ABI1: variants seen among roughly 807,000 people sequenced by gnomAD.
The protein encoded by ABI1 is abl interactor 1, also known as Abelson interactor 1.
A neutral mutation model predicts 54.6 loss-of-function variants in ABI1; 14 were observed. The ratio of observed to expected loss-of-function variants is 0.26; its 90% CI spans 0.17 to 0.40. The LOEUF (loss-of-function observed/expected upper bound fraction) is 0.40. Among genes scored for constraint, ABI1 ranks in the 10% least tolerant of loss-of-function variants. The probability of loss-of-function intolerance (pLI) is 1.00; values close to 1 mark genes in which losing one functional copy is unlikely to be tolerated. For synonymous variants in ABI1, 194 were observed against 209.3 expected (o/e 0.93, Z 0.63); for missense variants, 443 against 598.3 (o/e 0.74, Z 2.71).
chr10:26,838,861 C>T (rs1217884880), intron 1 of ABI1, among the ~76,000 whole-genome samples: 3 of 152,198 alleles, frequency 2.0e-5, no homozygotes, highest in Non-Finnish European at 4.4e-5. Flanking sequence ...AGAACCGCTA[C>T]GTCTCCCAAA....
At chr10:26,784,297 T>C (rs983531677) in intron 2 of ABI1, among the ~76,000 whole-genome samples, 1 of 152,194 alleles carries the variant, frequency 6.6e-6, no homozygotes, top group Non-Finnish European at 1.5e-5. Flanking sequence ...CACCTGTCCA[T>C]AACTTTAGGC....
intron 2 of ABI1, among the ~76,000 whole-genome samples, chr10:26,782,054 T>C (rs990674681): frequency 6.6e-6 from 1 of 152,184 alleles, no homozygotes; most frequent in African/African-American, 2.4e-5. Context: ...GGCAGATTGG[T>C]TGCATCAGAC....
At chr10:26,799,423 A>G (rs938038303) in intron 2 of ABI1, among the ~76,000 whole-genome samples, 2 of 152,208 alleles carry the variant, frequency 1.3e-5, no homozygotes, top group African/African-American at 2.4e-5. Flanking sequence ...CTCTTCAAAA[A>G]GAACAAACCA....
At chr10:26,760,746 T>C (rs1490457166) in intron 7 of ABI1, among the ~76,000 whole-genome samples, 1 of 151,858 alleles carries the variant, frequency 6.6e-6, no homozygotes. Flanking sequence ...AACAATTAGC[T>C]GGGCATGGAG....
intron 1 of ABI1, among the ~76,000 whole-genome samples, chr10:26,843,046 A>G (rs2049651644): frequency 6.6e-6 from 1 of 152,154 alleles, no homozygotes; most frequent in South Asian, 2.1e-4. Flanking sequence ...TCCATCTTAA[A>G]AAGTAAATAA....
At chr10:26,775,807 G>C (rs998193572) in intron 3 of ABI1, among the ~76,000 whole-genome samples, 1 of 152,150 alleles carries the variant, frequency 6.6e-6, no homozygotes, top group Non-Finnish European at 1.5e-5. Context: ...TTGGTAGGAA[G>C]AATAATCAAG....
chr10:26,814,252 A>G (rs1166388975), intron 2 of ABI1, among the ~76,000 whole-genome samples: 3 of 152,204 alleles, frequency 2.0e-5, no homozygotes, highest in African/African-American at 7.2e-5. Context: ...ATCATCTATG[A>G]GTCAAGATGC....
chr10:26,832,427 C>T (rs2048744814), intron 1 of ABI1, among the ~76,000 whole-genome samples: 1 of 151,530 alleles, frequency 6.6e-6, no homozygotes, highest in African/African-American at 2.4e-5. Context: ...TTAAAAAATA[C>T]AAAAAAATTA....
At chr10:26,815,348 T>C (rs115984760) in intron 2 of ABI1, among the ~76,000 whole-genome samples, 70 of 152,308 alleles carry the variant, frequency 4.6e-4, no homozygotes, top group African/African-American at 1.5e-3. Context: ...AGTAAGTCAA[T>C]TGATAGTATT....
intron 2 of ABI1, among the ~76,000 whole-genome samples, chr10:26,807,197 G>A (rs560006881): frequency 1.3e-5 from 2 of 152,352 alleles, no homozygotes; most frequent in East Asian, 3.8e-4. Context: ...CAGTAGGCCA[G>A]GCACAGTGGC....
At chr10:26,848,493 A>G (rs1020863076) in intron 1 of ABI1, among the ~76,000 whole-genome samples, 1 of 152,190 alleles carries the variant, frequency 6.6e-6, no homozygotes, top group African/African-American at 2.4e-5. Context: ...TGAAACTTTT[A>G]GCAGCAAATC....
At position 26,759,210 on chromosome 10, in the gene ABI1, C is replaced by T. The variant is rs780780258; in HGVS notation, c.849G>A (p.Gln283=). 2 of 1,614,062 alleles carry T rather than the reference C, an allele frequency of 1.2e-6. No homozygotes were observed. Among genetic ancestry groups the T allele is most frequent in the Non-Finnish European group, 1.7e-6 (2 of 1,179,968 alleles). The stretch of plus-strand genomic sequence containing the variant: ...ATATCTGCCTGGTCATTGTGCCATA[C>T]TGGGAACCAGGAGCTGAGCCCGGGG... ...PAAPGSAPGS[Q]YGTMTRQISR... Residue 283 remains glutamine, a synonymous_variant, in exon 8 of 11, where the codon CAG becomes CAA. Coordinates refer to ENST00000376140, the MANE Select transcript of ABI1 (RefSeq NM_001012750.3).
chr10:26,835,300 C>G (rs926666638), intron 1 of ABI1, among the ~76,000 whole-genome samples: 1 of 151,986 alleles, frequency 6.6e-6, no homozygotes, highest in African/African-American at 2.4e-5. Context: ...ATTAGTCAGG[C>G]ACAATGGCAC....
rs575911228 is a variant in ABI1, at chr10:26,802,929, C to T, written c.285+20209G>A. Among the ~76,000 whole-genome samples, 20 of 152,140 alleles carry T rather than the reference C, an allele frequency of 1.3e-4. No individual in the cohort carries two copies. In the South Asian group the frequency reaches 1.7e-3, roughly 13 times the overall value. On this transcript the variant is annotated intron_variant, in intron 2 of 10. Transcript: ENST00000376140. The stretch of plus-strand genomic sequence containing the variant: ...ACAAAATCCATACAAGTAAGCCTAC[C>T]GGGCACAGAACAGGAGAGAAAAAGG...
Position 26,791,640 on chromosome 10 carries a change from G to A in ABI1, c.286-14399C>T, listed in dbSNP as rs116950881. 3.6e-3 allele frequency among the ~76,000 whole-genome samples: 547 copies of A among 152,270 alleles called. 5 individuals carry two copies. Among genetic ancestry groups the A allele is most frequent in the East Asian group, 0.03 (154 of 5,184 alleles). On this transcript the variant is annotated intron_variant, in intron 2 of 10. Coordinates refer to ENST00000376140, the MANE Select transcript of ABI1 (RefSeq NM_001012750.3). ...ATACGAAGCCATAGTAAAGAAGATA[G>A]TAGGGTTCTTACAGGGTTAAATAAA...
intron 2 of ABI1, among the ~76,000 whole-genome samples, chr10:26,818,631 C>CAAAAAAAAAAA (rs376157276): frequency 0.012 from 856 of 72,898 alleles, 17 homozygotes; most frequent in East Asian, 0.023. Context: ...GACCCCGTCA[C>CAAAAAAAAAAA]AAAAAAAAAA....
intron 2 of ABI1, among the ~76,000 whole-genome samples, chr10:26,806,521 AC>A (rs1175481630): frequency 2.0e-5 from 3 of 152,226 alleles, no homozygotes; most frequent in African/African-American, 7.2e-5. Flanking sequence ...TGAGGCAGCA[AC>A]AATGGCAGCA....
intron 3 of ABI1, among the ~76,000 whole-genome samples, chr10:26,772,033 T>C (rs1329890659): frequency 6.6e-6 from 1 of 151,764 alleles, no homozygotes; most frequent in Non-Finnish European, 1.5e-5. Flanking sequence ...AACAAGTAAC[T>C]ACCATTTTTC....
intron 1 of ABI1, among the ~76,000 whole-genome samples, chr10:26,856,993 G>C (rs2050870673): frequency 6.6e-6 from 1 of 152,120 alleles, no homozygotes; most frequent in South Asian, 2.1e-4. Context: ...ATATGGAAAA[G>C]TCTCTTCTGT....
Sources: allele counts gnomAD v4.1 joint callset (sites outside exome capture counted in the v4.1 genomes callset), GRCh38; gene constraint gnomAD v4.1.1; transcripts MANE v1.5; gene names NCBI Gene and HGNC (gene_info 2026-07-23, HGNC 2026-07-21).